Variants in GPRIN3 observed in about 807,000 individuals in gnomAD.
GPRIN3 encodes G protein-regulated inducer of neurite outgrowth 3.
In GPRIN3, 12 loss-of-function variants were observed where a neutral mutation model predicts 13.7. The observed-to-expected ratio is 0.87, with a 90% CI of 0.56 to 1.42. The LOEUF (loss-of-function observed/expected upper bound fraction) is 1.42. GPRIN3 is among the 40% of genes most tolerant of loss of function. The pLI, the probability that GPRIN3 is intolerant of heterozygous loss-of-function variation, is 0.00. For synonymous variants in GPRIN3, 377 were observed against 372.7 expected (o/e 1.01, Z -0.13); for missense variants, 1,009 against 958.7 (o/e 1.05, Z -0.69).
At chr4:89,297,033 T>C (rs1189176567) in intron 1 of GPRIN3, among the ~76,000 whole-genome samples, 3 of 152,208 alleles carry the variant, frequency 2.0e-5, no homozygotes, top group Non-Finnish European at 4.4e-5. Context: ...CAGTGTAGCA[T>C]AGTGGTGAAG....
At chr4:89,256,078 A>G (rs1036353849) in intron 1 of GPRIN3, among the ~76,000 whole-genome samples, 1 of 152,206 alleles carries the variant, frequency 6.6e-6, no homozygotes, top group Non-Finnish European at 1.5e-5. Flanking sequence ...TAAGTAACCC[A>G]CTCAAGATGG....
chr4:89,251,201 C>T (rs1723316516), intron 1 of GPRIN3: 1 of 151,970 alleles, frequency 6.6e-6, no homozygotes, highest in Admixed American at 6.6e-5. Context: ...AACCATCAAG[C>T]TTATGAAAAG....
At chr4:89,297,221 G>A (rs931838682) in intron 1 of GPRIN3, among the ~76,000 whole-genome samples, 3 of 152,168 alleles carry the variant, frequency 2.0e-5, no homozygotes, top group Admixed American at 6.5e-5. Context: ...TTAGCAAGAC[G>A]TCACTGGCAG....
chr4:89,303,737 A>G (rs143468191), intron 1 of GPRIN3, among the ~76,000 whole-genome samples: 1 of 150,250 alleles, frequency 6.7e-6, no homozygotes, highest in African/African-American at 2.4e-5. Context: ...CATTTTATGT[A>G]TATACATGTA....
At chr4:89,255,539 C>G (rs940905341) in intron 1 of GPRIN3, among the ~76,000 whole-genome samples, 1 of 152,030 alleles carries the variant, frequency 6.6e-6, no homozygotes, top group Admixed American at 6.6e-5. Flanking sequence ...ACAACAAGAA[C>G]AAGTAGAGAT....
In GPRIN3 at chr4:89,254,677, G is replaced by T. The variant is rs1723421278; in HGVS notation, c.-123-4444C>A. ...TGTCTTTGCTATCGTGAATAGTGCT[G>T]CAATGAACATACACATGCATGTGTC... is the stretch of plus-strand genomic sequence containing the variant. On this transcript the variant is annotated intron_variant, in intron 1 of 1. Coordinates refer to ENST00000609438, the MANE Select transcript of GPRIN3 (RefSeq NM_198281.3). 2.0e-5 allele frequency among the ~76,000 whole-genome samples: 3 copies of T among 152,112 alleles called. No homozygotes were observed. In the South Asian group the frequency reaches 6.2e-4, roughly 32 times the overall value.
intron 1 of GPRIN3, among the ~76,000 whole-genome samples, chr4:89,258,517 C>G (rs1723543438): frequency 6.6e-6 from 1 of 152,046 alleles, no homozygotes; most frequent in Non-Finnish European, 1.5e-5. Context: ...CCTGGCCAAA[C>G]CTGAGCATTT....
chr4:89,249,025 G>A lies in GPRIN3; in HGVS notation c.1086C>T (p.Cys362=), dbSNP rs1485299076. The A allele has an allele frequency of 1.2e-6, 2 of 1,614,156 alleles. No individual in the cohort carries two copies. Among genetic ancestry groups the A allele is most frequent in the Non-Finnish European group, 1.7e-6 (2 of 1,180,022 alleles). Reference sequence around the variant, plus strand: ...CCAGTGTGTGGCTCCCACTGCTGTGGCAAATGACACGCAGCTGCTCTTGTT... The same window carrying A: ...CCAGTGTGTGGCTCCCACTGCTGTGACAAATGACACGCAGCTGCTCTTGTT... ...HFEQEQLRVI[C]HSSGSHTLEL... The change falls in exon 2 of 2, where the codon TGC becomes TGT. Residue 362 remains cysteine, a synonymous_variant. Transcript: ENST00000609438.
chr4:89,243,782 T>A lies in GPRIN3; in HGVS notation c.*3998A>T, dbSNP rs549308342. 1 of 152,354 alleles carries A rather than the reference T, an allele frequency of 6.6e-6. No individual in the cohort carries two copies. Among genetic ancestry groups the A allele is most frequent in the Admixed American group, 6.5e-5 (1 of 15,298 alleles). The allele number at this position is 152,354 out of a possible 1,614,324, so 9.4% of individuals were successfully genotyped here. Reference sequence around the variant, plus strand: ...AAGGCTACAAGTGCCCAGTTTTCAATAAAAACACATATACATATATGCAAA... The same window carrying A: ...AAGGCTACAAGTGCCCAGTTTTCAAAAAAAACACATATACATATATGCAAA... On this transcript the variant is annotated 3_prime_UTR_variant, in exon 2 of 2. Coordinates refer to ENST00000609438, the MANE Select transcript of GPRIN3 (RefSeq NM_198281.3).
At chr4:89,289,776 G>T (rs573956049) in intron 1 of GPRIN3, among the ~76,000 whole-genome samples, 1 of 152,176 alleles carries the variant, frequency 6.6e-6, no homozygotes, top group South Asian at 2.1e-4. Context: ...TGCAGCTTAT[G>T]TAATCACTAA....
Position 89,245,382 on chromosome 4 carries a change from T to A in GPRIN3, c.*2398A>T, listed in dbSNP as rs1723066062. ...TAAACAAATTTTCTTAAAGTTTTGA[T>A]AGACATAACCACAATAGCAAATCTA... On this transcript the variant is annotated 3_prime_UTR_variant, in exon 2 of 2. Transcript: ENST00000609438. The A allele has an allele frequency of 6.6e-6, 1 of 152,226 alleles. No individual in the cohort carries two copies. The highest frequency in any genetic ancestry group is 1.5e-5 in the Non-Finnish European group (1 of 68,040). The allele number at this position is 152,226 out of a possible 1,614,324, so 9.4% of individuals were successfully genotyped here. A position where few individuals can be genotyped will look rare whatever the true frequency, so the allele number is the denominator to read the frequency against.
In GPRIN3 at chr4:89,237,444, G is replaced by T. The variant is rs1171584711; in HGVS notation, c.*10336C>A. The T allele has an allele frequency of 1.3e-5, 2 of 152,190 alleles. No homozygotes were observed. The highest frequency in any genetic ancestry group is 2.9e-5 in the Non-Finnish European group (2 of 68,080). 9.4% of individuals were successfully genotyped at this position (152,190 alleles called of 1,614,324 possible). A position where few individuals can be genotyped will look rare whatever the true frequency, so the allele number is the denominator to read the frequency against. ...ATGGTGTTAGAAAGTGGGGGCTTTG[G>T]GTGGTGATTAGATGGTGGTCACAGA... On this transcript the variant is annotated 3_prime_UTR_variant, in exon 2 of 2. Transcript: ENST00000609438.
At position 89,242,412 on chromosome 4, in the gene GPRIN3, G is replaced by A. The variant is rs1465629347; in HGVS notation, c.*5368C>T. On this transcript the variant is annotated 3_prime_UTR_variant, in exon 2 of 2. Coordinates refer to ENST00000609438, the MANE Select transcript of GPRIN3 (RefSeq NM_198281.3). Reference sequence around the variant, plus strand: ...TGTCCAGAAAGAGTAATTACCATAAGTTTAAAGTCTCCATTTCAACAAAAC... The same window carrying A: ...TGTCCAGAAAGAGTAATTACCATAAATTTAAAGTCTCCATTTCAACAAAAC... 1 of 152,172 alleles carries A rather than the reference G, an allele frequency of 6.6e-6. No individual in the cohort carries two copies. Among genetic ancestry groups the A allele is most frequent in the African/African-American group, 2.4e-5 (1 of 41,434 alleles). 9.4% of individuals were successfully genotyped at this position (152,172 alleles called of 1,614,324 possible).
chr4:89,277,009 C>T (rs982590214), intron 1 of GPRIN3, among the ~76,000 whole-genome samples: 1 of 151,464 alleles, frequency 6.6e-6, no homozygotes, highest in African/African-American at 2.4e-5. Flanking sequence ...ATTTTAATGT[C>T]TTTTTTTTTC....
intron 1 of GPRIN3, among the ~76,000 whole-genome samples, chr4:89,268,983 C>A (rs1445515973): frequency 1.3e-5 from 2 of 152,026 alleles, no homozygotes; most frequent in African/African-American, 4.8e-5. Context: ...TTAAGAATAA[C>A]AGCTGGAAGA....
Position 89,249,738 on chromosome 4 carries a change from G to A in GPRIN3, c.373C>T (p.Pro125Ser). 1.2e-6 allele frequency: 2 copies of A among 1,614,196 alleles called. No homozygotes were observed. Among genetic ancestry groups the A allele is most frequent in the Non-Finnish European group, 1.7e-6 (2 of 1,180,030 alleles). The stretch of plus-strand genomic sequence containing the variant: ...TGCTGATTGGCGGGCATTGTCAATG[G>A]TGTGTGTATAAGATCCCTTCCTGCT... ...SAAGRDLIHT[P>S]LTMPANQHTC... The change falls in exon 2 of 2, where the codon CCA becomes TCA. Residue 125 changes from proline to serine, a missense_variant. Physicochemically the swap from Pro to Ser is moderately conservative, Grantham distance 74. Coordinates refer to ENST00000609438, the MANE Select transcript of GPRIN3 (RefSeq NM_198281.3).
At chr4:89,251,897 G>A (rs2149258034) in intron 1 of GPRIN3, among the ~76,000 whole-genome samples, 1 of 152,180 alleles carries the variant, frequency 6.6e-6, no homozygotes, top group East Asian at 1.9e-4. Context: ...CCCAAAGGTG[G>A]AAAATGCTGA....
In GPRIN3 at chr4:89,249,257, G is replaced by A. The variant is rs1224040637; in HGVS notation, c.854C>T (p.Pro285Leu). 11 of 1,614,040 alleles carry A rather than the reference G, an allele frequency of 6.8e-6. No individual in the cohort carries two copies. Among genetic ancestry groups the A allele is most frequent in the East Asian group, 2.2e-5 (1 of 44,874 alleles). The change falls in exon 2 of 2, where the codon CCG (proline) becomes CTG (leucine). Residue 285 changes from proline to leucine, a missense_variant. Physicochemically the swap from Pro to Leu is moderately conservative, Grantham distance 98. Coordinates refer to ENST00000609438, the MANE Select transcript of GPRIN3 (RefSeq NM_198281.3). ...TGACATCTGACGCTGTGCTGGCAGC[G>A]GCACCTTCTCTGGACCTGGGGGACA... ...SACPPGPEKV[P>L]LPAQRQMSRF...
In GPRIN3 at chr4:89,242,790, T is replaced by A. The variant is rs1039322441; in HGVS notation, c.*4990A>T. Reference sequence around the variant, plus strand: ...ATTCTCATTATTAGTATCTGAGATATTTGTGTCTTAAAAAAACTTGCAAAT... The same window carrying A: ...ATTCTCATTATTAGTATCTGAGATAATTGTGTCTTAAAAAAACTTGCAAAT... On this transcript the variant is annotated 3_prime_UTR_variant, in exon 2 of 2. Transcript: ENST00000609438. 1 of 152,210 alleles carries A rather than the reference T, an allele frequency of 6.6e-6. No homozygotes were observed. Among genetic ancestry groups the A allele is most frequent in the South Asian group, 2.1e-4 (1 of 4,832 alleles). The allele number at this position is 152,210 out of a possible 1,614,324, so 9.4% of individuals were successfully genotyped here. A position where few individuals can be genotyped will look rare whatever the true frequency, so the allele number is the denominator to read the frequency against.
Sources: gnomAD v4.1 joint callset for allele counts (sites outside exome capture counted in the v4.1 genomes callset) on GRCh38, gnomAD v4.1.1 for gene constraint, MANE v1.5 for transcripts, NCBI Gene and HGNC (gene_info 2026-07-23, HGNC 2026-07-21) for gene names.